The following RERE variants were observed in gnomAD, a reference collection of about 807,000 sequenced individuals.
RERE encodes arginine-glutamic acid dipeptide repeats.
In RERE, 40 loss-of-function variants were observed where a neutral mutation model predicts 146.1. The observed-to-expected ratio is 0.27, with a 90% CI of 0.21 to 0.36. The LOEUF (loss-of-function observed/expected upper bound fraction) is 0.36. RERE is among the 10% of genes least tolerant of loss of function. The probability of loss-of-function intolerance (pLI) is 1.00; values close to 1 mark genes in which losing one functional copy is unlikely to be tolerated. For missense variants in RERE, 1,933 were observed against 2,138.7 expected, an observed-to-expected ratio of 0.90 and a Z score of 1.90; for synonymous variants, 1,003 against 866.0, an observed-to-expected ratio of 1.16 and a Z score of -2.78.
At position 8,501,029 on chromosome 1, in the gene RERE, GGA is replaced by G. The variant is rs1272314214; in HGVS notation, c.880-3502_880-3501del. Among the ~76,000 whole-genome samples the G allele has an allele frequency of 3.5e-3, 353 of 102,074 alleles. 67 individuals carry two copies. The highest frequency in any genetic ancestry group is 6.8e-3 in the African/African-American group (128 of 18,738). 67.0% of individuals were successfully genotyped at this position (102,074 alleles called of 152,430 possible). On this transcript the variant is annotated intron_variant, in intron 8 of 22. Transcript: ENST00000400908. ...CTCCGCCCGGCAGCCACCCCGTCCGGGAGGGGGGGGGGGGGTCAGCCCCCCGC... is the reference window on the plus strand; with the variant it reads ...CTCCGCCCGGCAGCCACCCCGTCCGGGGGGGGGGGGGGGTCAGCCCCCCGC...
intron 1 of RERE, among the ~76,000 whole-genome samples, chr1:8,681,674 C>T (rs1167892570): frequency 6.6e-6 from 1 of 151,900 alleles, no homozygotes; most frequent in African/African-American, 2.4e-5. Context: ...AAGTCTTAAA[C>T]TAAATCAAAA....
In RERE at chr1:8,358,706, G is replaced by A. The variant is rs769940069; in HGVS notation, c.3829C>T (p.Pro1277Ser). ...AGCAGGGGGTCCGTGGGGTTAAGGG[G>A]CATGTAGAAGGGGTGGTTGCGGTTG... ...PTNRNHPFYM[P>S]LNPTDPLLAY... is the part of the protein sequence containing the mutation. Residue 1277 changes from proline (P) to serine (S), a missense_variant, in exon 20 of 23, where the codon CCC (proline) becomes TCC (serine). This residue lies in a region of RERE where 1,255 missense variants were observed against 1,153.8 expected (regional missense o/e 1.09). Coordinates refer to ENST00000400908, the MANE Select transcript of RERE (RefSeq NM_001042681.2). 1.5e-5 allele frequency: 24 copies of A among 1,599,870 alleles called. 1 individual carries two copies. In the East Asian group the frequency reaches 4.2e-4, roughly 28 times the overall value.
intron 1 of RERE, among the ~76,000 whole-genome samples, chr1:8,676,923 A>G (rs1638852323): frequency 6.6e-6 from 1 of 152,326 alleles, no homozygotes; most frequent in South Asian, 2.1e-4. Context: ...AAAAACTTAC[A>G]AAGAAAAATC....
chr1:8,627,063 C>T (rs1646981683), intron 2 of RERE, among the ~76,000 whole-genome samples: 1 of 152,202 alleles, frequency 6.6e-6, no homozygotes, highest in Admixed American at 6.5e-5. Flanking sequence ...CAAAACTCTT[C>T]TTCTCTCCTT....
At chr1:8,545,376 T>A (rs1243429773) in intron 6 of RERE, among the ~76,000 whole-genome samples, 1 of 152,168 alleles carries the variant, frequency 6.6e-6, no homozygotes, top group Admixed American at 6.5e-5. Flanking sequence ...AAGGGTCTTC[T>A]GGCTACCAAG....
At chr1:8,399,489 A>G (rs1161140420) in intron 12 of RERE, among the ~76,000 whole-genome samples, 1 of 152,146 alleles carries the variant, frequency 6.6e-6, no homozygotes, top group Admixed American at 6.5e-5. Context: ...CATTACACTG[A>G]CGTCTCTATT....
intron 2 of RERE, among the ~76,000 whole-genome samples, chr1:8,642,305 A>AC (rs1430127183): frequency 6.6e-6 from 1 of 152,222 alleles, no homozygotes; most frequent in African/African-American, 2.4e-5. Flanking sequence ...AGACAAAGGC[A>AC]CAGAGGCTGT....
rs542379918 is a variant in RERE, at chr1:8,553,086, C to G, written c.725+3389G>C. ...GTAGGCCAGTGTGTCCACATATACG[C>G]GTGCAACACAGCACCACTAGGCCAG... On this transcript the variant is annotated intron_variant, in intron 6 of 22. Transcript: ENST00000400908. Among the ~76,000 whole-genome samples, 12 of 148,710 alleles carry G rather than the reference C, an allele frequency of 8.1e-5. 1 individual carries two copies. The highest frequency in any genetic ancestry group is 6.0e-4 in the Admixed American group (9 of 14,966).
At chr1:8,742,070 T>C (rs1206691119) in intron 1 of RERE, among the ~76,000 whole-genome samples, 3 of 152,252 alleles carry the variant, frequency 2.0e-5, no homozygotes, top group Non-Finnish European at 4.4e-5. Flanking sequence ...AGGTGAACAG[T>C]GCCATCCCAG....
At chr1:8,584,822 C>T (rs944797993) in intron 4 of RERE, among the ~76,000 whole-genome samples, 26 of 152,104 alleles carry the variant, frequency 1.7e-4, no homozygotes, top group African/African-American at 4.3e-4. Context: ...TATTGTTACT[C>T]TGAAACTACT....
intron 11 of RERE, among the ~76,000 whole-genome samples, chr1:8,434,269 A>T (rs1644137244): frequency 6.6e-6 from 1 of 152,128 alleles, no homozygotes; most frequent in Non-Finnish European, 1.5e-5. Context: ...ATATGCTCAG[A>T]AATGTCTACA....
chr1:8,569,679 C>A (rs1646195933), intron 4 of RERE, among the ~76,000 whole-genome samples: 1 of 152,106 alleles, frequency 6.6e-6, no homozygotes, highest in Admixed American at 6.6e-5. Flanking sequence ...ACCGCTTGAG[C>A]CCAGTAGTTT....
intron 4 of RERE, among the ~76,000 whole-genome samples, chr1:8,580,883 G>T (rs1646356336): frequency 6.6e-6 from 1 of 152,002 alleles, no homozygotes; most frequent in African/African-American, 2.4e-5. Context: ...TTGTAGAGAA[G>T]AGGTGTCATT....
intron 10 of RERE, among the ~76,000 whole-genome samples, chr1:8,481,876 C>T (rs529350837): frequency 1.3e-5 from 2 of 152,172 alleles, no homozygotes; most frequent in Non-Finnish European, 2.9e-5. Flanking sequence ...CTGCACTGAG[C>T]AGATGAGCTT....
intron 1 of RERE, among the ~76,000 whole-genome samples, chr1:8,684,218 A>T (rs1040990220): frequency 6.6e-6 from 1 of 152,208 alleles, no homozygotes; most frequent in Non-Finnish European, 1.5e-5. Context: ...TTCATGGTTC[A>T]AGGTGTGCAA....
chr1:8,580,401 T>C (rs919682902), intron 4 of RERE, among the ~76,000 whole-genome samples: 2 of 152,234 alleles, frequency 1.3e-5, no homozygotes, highest in African/African-American at 4.8e-5. Flanking sequence ...TGAAAGCTTT[T>C]ATTTCAGTTC....
At chr1:8,413,004 A>G (rs1037463592) in intron 12 of RERE, among the ~76,000 whole-genome samples, 18 of 152,224 alleles carry the variant, frequency 1.2e-4, no homozygotes, top group African/African-American at 3.9e-4. Context: ...ACTGAAGAGC[A>G]AAAGATGAGG....
chr1:8,500,471 C>G (rs1472990189), intron 8 of RERE, among the ~76,000 whole-genome samples: 1 of 152,214 alleles, frequency 6.6e-6, no homozygotes, highest in South Asian at 2.1e-4. Context: ...CTCGGCCTCC[C>G]GAGGTGCTGG....
intron 1 of RERE, among the ~76,000 whole-genome samples, chr1:8,779,302 C>G (rs1352259159): frequency 6.7e-6 from 1 of 149,120 alleles, no homozygotes; most frequent in Non-Finnish European, 1.5e-5. Context: ...CCGAGGTGGG[C>G]AGATCACGAG....
Sources: allele counts gnomAD v4.1 joint callset (sites outside exome capture counted in the v4.1 genomes callset), GRCh38; gene constraint gnomAD v4.1.1; regional missense constraint gnomAD v4.1.1; transcripts MANE v1.5; gene names NCBI Gene and HGNC (gene_info 2026-07-23, HGNC 2026-07-21).